DCUN1D5: variants seen among roughly 807,000 people sequenced by gnomAD.
DCUN1D5 encodes the protein defective in cullin neddylation 1 domain containing 5.
Under a neutral mutation model 38.3 loss-of-function variants are expected in DCUN1D5, and 10 were observed. The observed-to-expected ratio is 0.26, with a 90% confidence interval of 0.16 to 0.44. The LOEUF (loss-of-function observed/expected upper bound fraction) is 0.44, where lower values mean the gene tolerates loss of function less well. Among genes scored for constraint, DCUN1D5 ranks in the 20% least tolerant of loss-of-function variants. DCUN1D5 has a pLI of 1.00. For missense variants in DCUN1D5, 148 were observed against 275.3 expected (o/e 0.54, Z 3.27); for synonymous variants, 93 against 90.9 (o/e 1.02, Z -0.13).
chr11:103,091,292 G>C lies in DCUN1D5; in HGVS notation c.86+495C>G, dbSNP rs905231396. Among the ~76,000 whole-genome samples the C allele has an allele frequency of 7.9e-5, 12 of 152,086 alleles. No individual in the cohort carries two copies. The highest frequency in any genetic ancestry group is 2.7e-4 in the African/African-American group (11 of 41,410). On this transcript the variant is annotated intron_variant, in intron 1 of 7. Coordinates refer to ENST00000260247, the MANE Select transcript of DCUN1D5 (RefSeq NM_032299.4). This position sits in a 1 kb window ranked among gnomAD's most constrained non-coding sequence, Gnocchi z 4.3. ...GCCACTCCAAATACTAAATATGGAG[G>C]CCAATTATAGCATACAAGTTTTCCT...
chr11:103,084,126 T>A lies in DCUN1D5; in HGVS notation c.179-800A>T, dbSNP rs143171904. On this transcript the variant is annotated intron_variant, in intron 2 of 7. Transcript: ENST00000260247. ...AGATTCCCAAAATATAGTAATTACA[T>A]CATCACTAGGTCTCTTTTGTGACTG... Among the ~76,000 whole-genome samples the A allele has an allele frequency of 6.3e-4, 96 of 152,346 alleles. 2 individuals are homozygous for A. In the East Asian group the frequency reaches 0.017, roughly 27 times the overall value.
Position 103,073,498 on chromosome 11 carries a change from A to G in DCUN1D5, c.342-6931T>C, listed in dbSNP as rs768838156. Among the ~76,000 whole-genome samples, 2 of 152,250 alleles carry G rather than the reference A, an allele frequency of 1.3e-5. No individual in the cohort carries two copies. The highest frequency in any genetic ancestry group is 4.8e-5 in the African/African-American group (2 of 41,466). On this transcript the variant is annotated intron_variant, in intron 4 of 7. Coordinates refer to ENST00000260247, the MANE Select transcript of DCUN1D5 (RefSeq NM_032299.4). This position sits in a 1 kb window ranked among gnomAD's most constrained non-coding sequence, Gnocchi z 4.2. ...CTAAAACAATTTTGAAACAGGATGC[A>G]TAAGTCTACCTGATTTCAAGTCTTA...
In DCUN1D5 at chr11:103,083,189, A is replaced by G. The variant is rs1261190583; in HGVS notation, c.249+67T>C. 3.9e-6 allele frequency: 3 copies of G among 773,340 alleles called. No individual in the cohort carries two copies. Among genetic ancestry groups the G allele is most frequent in the African/African-American group, 3.5e-5 (2 of 57,318 alleles). 47.9% of individuals were successfully genotyped at this position (773,340 alleles called of 1,614,324 possible). A position where few individuals can be genotyped will look rare whatever the true frequency, so the allele number is the denominator to read the frequency against. ...CTTCATACAAGATTAAAGTGTCTCG[A>G]TTTTTAGTAATTTACGAATATGCTA... On this transcript the variant is annotated intron_variant, in intron 3 of 7. Coordinates refer to ENST00000260247, the MANE Select transcript of DCUN1D5 (RefSeq NM_032299.4). The surrounding 1 kb of genome is among the most constrained non-coding windows in gnomAD (Gnocchi z 4.4).
rs1706617840 is a variant in DCUN1D5 at position 103,053,700 on chromosome 11, AATT to A, written c.*8656_*8658del. On this transcript the variant is annotated 3_prime_UTR_variant, in exon 8 of 8. Transcript: ENST00000260247. The surrounding 1 kb of genome is among the most constrained non-coding windows in gnomAD (Gnocchi z 4.8). Reference sequence around the variant, plus strand: ...AATACATCATGTATCAATGAATTTTAATTATATGAATATATCATATTATCACAT... The same window carrying A: ...AATACATCATGTATCAATGAATTTTAATATGAATATATCATATTATCACAT... 1 of 151,400 alleles carries A rather than the reference AATT, an allele frequency of 6.6e-6. No homozygotes were observed. The highest frequency in any genetic ancestry group is 1.5e-5 in the Non-Finnish European group (1 of 67,946). The allele number at this position is 151,400 out of a possible 1,614,324, so 9.4% of individuals were successfully genotyped here.
At chr11:103,082,258 T>C (rs1862583662) in intron 4 of DCUN1D5, among the ~76,000 whole-genome samples, 1 of 152,066 alleles carries the variant, frequency 6.6e-6, no homozygotes, top group Admixed American at 6.5e-5. Flanking sequence ...GTTACAACAT[T>C]TCTACTTTTG....
rs1407033764 is a variant in DCUN1D5, at chr11:103,051,296, T to C, written c.*11063A>G. ...AGTGACAAGCAGAACAAATGAACCA[T>C]CCATCCTTCAGGAAACTTTTTTAAA... On this transcript the variant is annotated 3_prime_UTR_variant, in exon 8 of 8. Transcript: ENST00000260247. 6.6e-6 allele frequency: 1 copy of C among 152,176 alleles called. No homozygotes were observed. The highest frequency in any genetic ancestry group is 2.4e-5 in the African/African-American group (1 of 41,446). The allele number at this position is 152,176 out of a possible 1,614,324, so 9.4% of individuals were successfully genotyped here. A position where few individuals can be genotyped will look rare whatever the true frequency, so the allele number is the denominator to read the frequency against.
Position 103,062,482 on chromosome 11 carries a change from C to A in DCUN1D5, c.659-68G>T. ...ATCTCTCCAATTATAAAACAAACTC[C>A]CCACGAGCTCTGCAATGACAGAGGA... is the stretch of plus-strand genomic sequence containing the variant. On this transcript the variant is annotated intron_variant, in intron 7 of 7. Transcript: ENST00000260247. The surrounding 1 kb of genome is among the most constrained non-coding windows in gnomAD (Gnocchi z 4.6). 2 of 1,363,256 alleles carry A rather than the reference C, an allele frequency of 1.5e-6. No individual in the cohort carries two copies. The highest frequency in any genetic ancestry group is 2.4e-5 in the South Asian group (2 of 82,626). 84.4% of individuals were successfully genotyped at this position (1,363,256 alleles called of 1,614,324 possible). A position where few individuals can be genotyped will look rare whatever the true frequency, so the allele number is the denominator to read the frequency against.
Position 103,061,322 on chromosome 11 carries a change from T to A in DCUN1D5, c.*1037A>T, listed in dbSNP as rs2134597245. On this transcript the variant is annotated 3_prime_UTR_variant, in exon 8 of 8. Coordinates refer to ENST00000260247, the MANE Select transcript of DCUN1D5 (RefSeq NM_032299.4). Reference sequence around the variant, plus strand: ...GTTTTCATATCACTGGGATACTGGATGGTTTGAAAAGGAATGTACAAACAG... The same window carrying A: ...GTTTTCATATCACTGGGATACTGGAAGGTTTGAAAAGGAATGTACAAACAG... Among the ~76,000 whole-genome samples, 1 of 152,306 alleles carries A rather than the reference T, an allele frequency of 6.6e-6. No individual in the cohort carries two copies. The highest frequency in any genetic ancestry group is 1.5e-5 in the Non-Finnish European group (1 of 68,014).
chr11:103,063,656 T>A lies in DCUN1D5; in HGVS notation c.658+619A>T, dbSNP rs1438567672. On this transcript the variant is annotated intron_variant, in intron 7 of 7. Transcript: ENST00000260247. The surrounding 1 kb of genome is among the most constrained non-coding windows in gnomAD (Gnocchi z 4.6). ...AAATGGTGGTTGGAACTGAAAAAAATTTATAGTTCTACAGAATTAACTTGG... is the reference window on the plus strand; with the variant it reads ...AAATGGTGGTTGGAACTGAAAAAAAATTATAGTTCTACAGAATTAACTTGG... Among the ~76,000 whole-genome samples, 2 of 152,112 alleles carry A rather than the reference T, an allele frequency of 1.3e-5. No individual in the cohort carries two copies. The highest frequency in any genetic ancestry group is 2.9e-5 in the Non-Finnish European group (2 of 67,980).
chr11:103,090,867 G>A (rs1181616109), intron 1 of DCUN1D5, among the ~76,000 whole-genome samples: 1 of 152,138 alleles, frequency 6.6e-6, no homozygotes, highest in Non-Finnish European at 1.5e-5. Flanking sequence ...AGCGGAGATC[G>A]CGCCACTGCA....
rs1325787770 is a variant in DCUN1D5 at position 103,055,314 on chromosome 11, T to A, written c.*7045A>T. ...GTTCAACCTGCGCTGTTTGGCTATATTAATTCATGTAGAACTCTTCACAAT... is the reference window on the plus strand; with the variant it reads ...GTTCAACCTGCGCTGTTTGGCTATAATAATTCATGTAGAACTCTTCACAAT... On this transcript the variant is annotated 3_prime_UTR_variant, in exon 8 of 8. Coordinates refer to ENST00000260247, the MANE Select transcript of DCUN1D5 (RefSeq NM_032299.4). 1 of 152,126 alleles carries A rather than the reference T, an allele frequency of 6.6e-6. No individual in the cohort carries two copies. The highest frequency in any genetic ancestry group is 1.5e-5 in the Non-Finnish European group (1 of 68,002). 9.4% of individuals were successfully genotyped at this position (152,126 alleles called of 1,614,324 possible).
chr11:103,066,579 G>T lies in DCUN1D5; in HGVS notation c.342-12C>A. 1 of 1,513,774 alleles carries T rather than the reference G, an allele frequency of 6.6e-7. No individual in the cohort carries two copies. Among genetic ancestry groups the T allele is most frequent in the African/African-American group, 1.4e-5 (1 of 72,536 alleles). 93.8% of individuals were successfully genotyped at this position (1,513,774 alleles called of 1,614,324 possible). On this transcript the variant is annotated splice_polypyrimidine_tract_variant and intron_variant, in intron 4 of 7. Coordinates refer to ENST00000260247, the MANE Select transcript of DCUN1D5 (RefSeq NM_032299.4). This position sits in a 1 kb window ranked among gnomAD's most constrained non-coding sequence, Gnocchi z 4.7. ...CTGTGCAGTCACACCTTAAATAAAAGAAATATCAAACAAATTACATAATCA... is the reference window on the plus strand; with the variant it reads ...CTGTGCAGTCACACCTTAAATAAAATAAATATCAAACAAATTACATAATCA...
Position 103,087,173 on chromosome 11 carries a change from C to CT in DCUN1D5, c.178+2053dup, listed in dbSNP as rs201932440. On this transcript the variant is annotated intron_variant, in intron 2 of 7. Coordinates refer to ENST00000260247, the MANE Select transcript of DCUN1D5 (RefSeq NM_032299.4). This position sits in a 1 kb window ranked among gnomAD's most constrained non-coding sequence, Gnocchi z 4.1. ...AAACCCCATTTCTTTTTTTCTTTTT[C>CT]TTTTTTTTTTTTTTTGAGGCAGAGT... Among the ~76,000 whole-genome samples, 1,221 of 138,768 alleles carry CT rather than the reference C, an allele frequency of 8.8e-3. 7 individuals are homozygous for CT. The highest frequency in any genetic ancestry group is 0.033 in the South Asian group (146 of 4,386). 91.0% of individuals were successfully genotyped at this position (138,768 alleles called of 152,430 possible).
chr11:103,082,337 T>C (rs899170061), intron 4 of DCUN1D5, among the ~76,000 whole-genome samples: 2 of 152,092 alleles, frequency 1.3e-5, no homozygotes, highest in African/African-American at 2.4e-5. Flanking sequence ...TTCAAATTTT[T>C]AAAGTCAAAT....
chr11:103,051,131 C>T lies in DCUN1D5; in HGVS notation c.*11228G>A, dbSNP rs1162520991. On this transcript the variant is annotated 3_prime_UTR_variant, in exon 8 of 8. Transcript: ENST00000260247. ...AATTCATACATTGGAAGTTCAAGAA[C>T]CAGATTTCCCTTATTCAGTTGGTGG... is the stretch of plus-strand genomic sequence containing the variant. The T allele has an allele frequency of 1.3e-5, 2 of 152,146 alleles. No individual in the cohort carries two copies. Among genetic ancestry groups the T allele is most frequent in the African/African-American group, 4.8e-5 (2 of 41,430 alleles). The allele number at this position is 152,146 out of a possible 1,614,324, so 9.4% of individuals were successfully genotyped here.
At position 103,087,352 on chromosome 11, in the gene DCUN1D5, G is replaced by A. The variant is rs1338121617; in HGVS notation, c.178+1875C>T. Among the ~76,000 whole-genome samples, 1 of 151,672 alleles carries A rather than the reference G, an allele frequency of 6.6e-6. No individual in the cohort carries two copies. The highest frequency in any genetic ancestry group is 1.5e-5 in the Non-Finnish European group (1 of 67,900). On this transcript the variant is annotated intron_variant, in intron 2 of 7. Transcript: ENST00000260247. This position sits in a 1 kb window ranked among gnomAD's most constrained non-coding sequence, Gnocchi z 4.1. ...CGCCCGGCTAATTGTTTGTGTTTTT[G>A]GTAGAGAGAGTGTTTCACCATGTTA...
chr11:103,061,481 T>C lies in DCUN1D5; in HGVS notation c.*878A>G, dbSNP rs1334881542. On this transcript the variant is annotated 3_prime_UTR_variant, in exon 8 of 8. Coordinates refer to ENST00000260247, the MANE Select transcript of DCUN1D5 (RefSeq NM_032299.4). ...AATACTACCAACGTAAATGGCTCTA[T>C]TGAGTTGTGCACAATTAATTATACC... 3.9e-5 allele frequency among the ~76,000 whole-genome samples: 6 copies of C among 152,042 alleles called. No homozygotes were observed. Among genetic ancestry groups the C allele is most frequent in the African/African-American group, 1.2e-4 (5 of 41,406 alleles).
rs1862099982 is a variant in DCUN1D5 at position 103,064,996 on chromosome 11, C to T, written c.556-619G>A. 6.6e-6 allele frequency among the ~76,000 whole-genome samples: 1 copy of T among 152,132 alleles called. No homozygotes were observed. Among genetic ancestry groups the T allele is most frequent in the Non-Finnish European group, 1.5e-5 (1 of 68,028 alleles). On this transcript the variant is annotated intron_variant, in intron 6 of 7. Coordinates refer to ENST00000260247, the MANE Select transcript of DCUN1D5 (RefSeq NM_032299.4). This position sits in a 1 kb window ranked among gnomAD's most constrained non-coding sequence, Gnocchi z 4.5. The stretch of plus-strand genomic sequence containing the variant: ...AAATATTTAGTTCTTCTCAGCTCCC[C>T]ATAGAGCTGAATATTTTTACATTCA...
Position 103,055,520 on chromosome 11 carries a change from T to C in DCUN1D5, c.*6839A>G, listed in dbSNP as rs1215451340. The stretch of plus-strand genomic sequence containing the variant: ...AGTGACACTCCCTCCTCAATTTAAT[T>C]TGCCATTTGTTTACATATTTGGCAA... On this transcript the variant is annotated 3_prime_UTR_variant, in exon 8 of 8. Transcript: ENST00000260247. The C allele has an allele frequency of 6.6e-6, 1 of 152,156 alleles. No individual in the cohort carries two copies. The highest frequency in any genetic ancestry group is 1.5e-5 in the Non-Finnish European group (1 of 67,998). The allele number at this position is 152,156 out of a possible 1,614,324, so 9.4% of individuals were successfully genotyped here.
Sources: gnomAD v4.1 joint callset for allele counts (sites outside exome capture counted in the v4.1 genomes callset) on GRCh38, gnomAD v4.1.1 for gene constraint, Gnocchi (gnomAD v3.1) non-coding constraint, MANE v1.5 for transcripts, NCBI Gene and HGNC (gene_info 2026-07-23, HGNC 2026-07-21) for gene names.